Variants in CTXND2 observed in about 807,000 individuals in gnomAD.
CTXND2 encodes the protein cortexin domain containing 2.
At chr1:150,888,791 A>G (rs779846153) in intron 1 of CTXND2, among the ~76,000 whole-genome samples, 1 of 151,796 alleles carries the variant, frequency 6.6e-6, no homozygotes, top group Non-Finnish European at 1.5e-5. Context: ...CCTGGGCTCA[A>G]TCGATCCTCT....
At chr1:150,909,237 C>CAA (rs374506106) in intron 1 of CTXND2, among the ~76,000 whole-genome samples, 366 of 81,980 alleles carry the variant, frequency 4.5e-3, no homozygotes, top group Middle Eastern at 7.6e-3. Flanking sequence ...GACTCCTTCT[C>CAA]AAAAAAAAAA....
chr1:150,890,452 G>A lies in CTXND2; in HGVS notation c.-74+3139G>A, dbSNP rs1037962305. Reference sequence around the variant, plus strand: ...AGGGGCTTTACAGGAATGATTAGAAGGTGGTACAAGATGACCTTTAAAGTT... The same window carrying A: ...AGGGGCTTTACAGGAATGATTAGAAAGTGGTACAAGATGACCTTTAAAGTT... On this transcript the variant is annotated intron_variant, in intron 1 of 1. Transcript: ENST00000636087. Among the ~76,000 whole-genome samples the A allele has an allele frequency of 2.0e-5, 3 of 152,274 alleles. No homozygotes were observed. The South Asian group carries it at 6.2e-4, about 32-fold the overall frequency.
chr1:150,902,338 C>T (rs148898595), intron 1 of CTXND2, among the ~76,000 whole-genome samples: 1,794 of 150,990 alleles, frequency 0.012, 27 homozygotes, highest in African/African-American at 0.041. Context: ...ACCCGGGAGG[C>T]GGAGCTTGCA....
chr1:150,888,762 C>G (rs1668808326), intron 1 of CTXND2, among the ~76,000 whole-genome samples: 1 of 151,936 alleles, frequency 6.6e-6, no homozygotes, highest in African/African-American at 2.4e-5. Context: ...GCGATCATGG[C>G]TTACTGCATC....
At chr1:150,893,845 CTCAAGG>C (rs587690032) in intron 1 of CTXND2, among the ~76,000 whole-genome samples, 4 of 152,236 alleles carry the variant, frequency 2.6e-5, no homozygotes, top group Admixed American at 2.6e-4. Context: ...TGTCCTACTG[CTCAAGG>C]TCATCACCAA....
At chr1:150,905,799 G>A (rs1185413304) in intron 1 of CTXND2, among the ~76,000 whole-genome samples, 1 of 151,874 alleles carries the variant, frequency 6.6e-6, no homozygotes. Flanking sequence ...GACCATCCTG[G>A]CTAACACGGT....
chr1:150,891,238 G>A (rs892331706), intron 1 of CTXND2, among the ~76,000 whole-genome samples: 4 of 150,296 alleles, frequency 2.7e-5, no homozygotes, highest in Non-Finnish European at 5.9e-5. Context: ...TTTGTGAGAC[G>A]GAGTCTCGCT....
chr1:150,891,211 C>CT (rs71090104), intron 1 of CTXND2, among the ~76,000 whole-genome samples: 52,763 of 148,106 alleles, frequency 0.36, 9,566 homozygotes, highest in South Asian at 0.54. Context: ...TCTTTTCTTT[C>CT]TTTTTTTTTT....
At position 150,901,830 on chromosome 1, in the gene CTXND2, A is replaced by T. The variant is rs587667588; in HGVS notation, c.-73-10412A>T. Among the ~76,000 whole-genome samples, 62 of 152,052 alleles carry T rather than the reference A, an allele frequency of 4.1e-4. No homozygotes were observed. In the South Asian group the frequency reaches 9.0e-3, roughly 22 times the overall value. ...CTACTTGGGAGGCTGAGGCAGGAGA[A>T]TGGCGTGAACCTGGGAGGTGGAGCT... On this transcript the variant is annotated intron_variant, in intron 1 of 1. Transcript: ENST00000636087.
chr1:150,907,522 G>A (rs1669170568), intron 1 of CTXND2, among the ~76,000 whole-genome samples: 1 of 152,084 alleles, frequency 6.6e-6, no homozygotes, highest in Admixed American at 6.6e-5. Context: ...ATAGTCTATT[G>A]TGTAGACATA....
intron 1 of CTXND2, among the ~76,000 whole-genome samples, chr1:150,898,931 A>AAT (rs1418613132): frequency 0.037 from 5,116 of 138,992 alleles, 131 homozygotes; most frequent in African/African-American, 0.054. Flanking sequence ...CAAAAAAAAA[A>AAT]ATATATATAT....
intron 1 of CTXND2, among the ~76,000 whole-genome samples, chr1:150,899,283 T>A (rs587676379): frequency 7.9e-4 from 120 of 151,968 alleles, no homozygotes; most frequent in Non-Finnish European, 1.1e-3. Flanking sequence ...AAATTTTTTT[T>A]AAAAATTTTA....
At chr1:150,901,119 CACAA>C (rs1372316974) in intron 1 of CTXND2, among the ~76,000 whole-genome samples, 5 of 151,868 alleles carry the variant, frequency 3.3e-5, no homozygotes, top group Admixed American at 6.6e-5. Flanking sequence ...CTCAGAAAAA[CACAA>C]ACAGAAAGAA....
chr1:150,912,093 T>C (rs1669266682), intron 1 of CTXND2, 149 bp from the exon 2 acceptor site: 1 of 365,386 alleles, frequency 2.7e-6, no homozygotes, highest in South Asian at 1.5e-4. Flanking sequence ...CAGTCATCTA[T>C]ATTAACTTTA....
chr1:150,899,343 G>A (rs1463791656), intron 1 of CTXND2, among the ~76,000 whole-genome samples: 1 of 151,862 alleles, frequency 6.6e-6, no homozygotes. Context: ...GCTGAAGCAA[G>A]AGGATCACTT....
exon 2 of CTXND2, chr1:150,912,743 A>C (rs946666352): frequency 6.5e-6 from 2 of 307,530 alleles, no homozygotes; most frequent in African/African-American, 2.1e-5. Context: ...AGTGGGCCAT[A>C]ATTTTATGAT....
chr1:150,894,985 C>T lies in CTXND2; in HGVS notation c.-74+7672C>T, dbSNP rs587634257. ...GGAGGAGGTTGTAGTGAGCCGAGAT[C>T]GCACCACTGCACCCCAGCCTGGGTG... is the stretch of plus-strand genomic sequence containing the variant. On this transcript the variant is annotated intron_variant, in intron 1 of 1. Coordinates refer to ENST00000636087, the Ensembl canonical transcript of CTXND2. Among the ~76,000 whole-genome samples the T allele has an allele frequency of 3.7e-3, 555 of 151,990 alleles. 4 individuals are homozygous for T. The highest frequency in any genetic ancestry group is 0.013 in the African/African-American group (534 of 41,428).
intron 1 of CTXND2, among the ~76,000 whole-genome samples, chr1:150,892,695 G>C (rs1668868794): frequency 6.6e-6 from 1 of 151,678 alleles, no homozygotes; most frequent in Non-Finnish European, 1.5e-5. Context: ...CCCACCACCA[G>C]GCCCAGCTAA....
chr1:150,903,844 G>A (rs1320788090), intron 1 of CTXND2: 12 of 508,528 alleles, frequency 2.4e-5, no homozygotes, highest in African/African-American at 1.8e-4. Context: ...TGGGATGTCC[G>A]GCTTCAGAGT....
Sources: allele counts gnomAD v4.1 joint callset (sites outside exome capture counted in the v4.1 genomes callset), GRCh38; gene constraint gnomAD v4.1.1; transcripts MANE v1.5; gene names NCBI Gene and HGNC (gene_info 2026-07-23, HGNC 2026-07-21).